TNFRSF8: variants seen among roughly 807,000 people sequenced by gnomAD.
TNFRSF8 encodes TNF receptor superfamily member 8, also known as tumor necrosis factor receptor superfamily member 8.
TNFRSF8 carries 26 observed loss-of-function variants against 70.8 expected under a neutral mutation model. The observed-to-expected ratio is 0.37, with a 90% CI of 0.27 to 0.51. The LOEUF (loss-of-function observed/expected upper bound fraction) is 0.51, where lower values mean the gene tolerates loss of function less well. Ranked by LOEUF, TNFRSF8 falls within the 20% of genes least tolerant of loss-of-function variation. The pLI is 0.94. For missense variants in TNFRSF8, 720 were observed against 807.9 expected (o/e 0.89, Z 1.32); for synonymous variants, 356 against 339.2 (o/e 1.05, Z -0.54).
intron 12 of TNFRSF8, among the ~76,000 whole-genome samples, chr1:12,130,818 G>A (rs1445967434): frequency 6.6e-6 from 1 of 152,240 alleles, no homozygotes; most frequent in African/African-American, 2.4e-5. Context: ...CAAAAGGCAA[G>A]GAAACCAACA....
rs1481982268 is a variant in TNFRSF8, at chr1:12,088,188, T to C, written c.151+3637T>C. On this transcript the variant is annotated intron_variant, in intron 2 of 14. Coordinates refer to ENST00000263932, the MANE Select transcript of TNFRSF8 (RefSeq NM_001243.5). This position sits in a 1 kb window ranked among gnomAD's most constrained non-coding sequence, Gnocchi z 4.0. ...CAGGCCTGTGATGCCCTCTCCAGCATTCCTGAGAGCAGGTCCCCAGCCCTT... is the reference window on the plus strand; with the variant it reads ...CAGGCCTGTGATGCCCTCTCCAGCACTCCTGAGAGCAGGTCCCCAGCCCTT... Among the ~76,000 whole-genome samples the C allele has an allele frequency of 2.0e-5, 3 of 152,110 alleles. No individual in the cohort carries two copies. The highest frequency in any genetic ancestry group is 4.4e-5 in the Non-Finnish European group (3 of 68,004).
At chr1:12,085,102 C>T (rs1310679855) in intron 2 of TNFRSF8, among the ~76,000 whole-genome samples, 1 of 152,114 alleles carries the variant, frequency 6.6e-6, no homozygotes, top group Non-Finnish European at 1.5e-5. Flanking sequence ...TTTCTTTTCT[C>T]TCTTATTTTT....
chr1:12,079,082 A>AT (rs1486937788), intron 1 of TNFRSF8, among the ~76,000 whole-genome samples: 2 of 151,978 alleles, frequency 1.3e-5, no homozygotes, highest in Non-Finnish European at 2.9e-5. Flanking sequence ...CCCTTCGGGG[A>AT]TTTTGCATTT....
Position 12,138,512 on chromosome 1 carries a change from G to C in TNFRSF8, c.1543+76G>C. ...GATGAATACGGGGCCCTGGGCCCTGGAAGGGACCTGGAGACCCTGGAGTTG... is the reference window on the plus strand; with the variant it reads ...GATGAATACGGGGCCCTGGGCCCTGCAAGGGACCTGGAGACCCTGGAGTTG... On this transcript the variant is annotated intron_variant, in intron 14 of 14. Transcript: ENST00000263932. This position sits in a 1 kb window ranked among gnomAD's most constrained non-coding sequence, Gnocchi z 5.7. The C allele has an allele frequency of 7.2e-7, 1 of 1,397,714 alleles. No homozygotes were observed. The allele number at this position is 1,397,714 out of a possible 1,614,324, so 86.6% of individuals were successfully genotyped here.
At chr1:12,073,567 C>G (rs1042581936) in intron 1 of TNFRSF8, among the ~76,000 whole-genome samples, 4 of 147,584 alleles carry the variant, frequency 2.7e-5, no homozygotes, top group African/African-American at 7.5e-5. Context: ...TTTCCCTTTC[C>G]TTTTCCCTTT....
intron 2 of TNFRSF8, among the ~76,000 whole-genome samples, chr1:12,086,337 T>C (rs1641152207): frequency 6.6e-6 from 1 of 152,228 alleles, no homozygotes; most frequent in Non-Finnish European, 1.5e-5. Flanking sequence ...GCAAAAGTAG[T>C]GGGTTGGATG....
At position 12,141,476 on chromosome 1, in the gene TNFRSF8, T is replaced by C. The variant is rs530992405; in HGVS notation, c.1544-811T>C. On this transcript the variant is annotated intron_variant, in intron 14 of 14. Transcript: ENST00000263932. The surrounding 1 kb of genome is among the most constrained non-coding windows in gnomAD (Gnocchi z 5.4). ...GCCCTCCGTCCAAGCTCCCACCATG[T>C]GCTCACAGCACAGCCATGCACGCTG... 6.6e-6 allele frequency among the ~76,000 whole-genome samples: 1 copy of C among 152,386 alleles called. No homozygotes were observed. Among genetic ancestry groups the C allele is most frequent in the South Asian group, 2.1e-4 (1 of 4,828 alleles).
Position 12,113,654 on chromosome 1 carries a change from G to A in TNFRSF8, c.793+1640G>A, listed in dbSNP as rs1217707410. 2.7e-5 allele frequency among the ~76,000 whole-genome samples: 4 copies of A among 146,638 alleles called. No individual in the cohort carries two copies. Among genetic ancestry groups the A allele is most frequent in the Admixed American group, 6.9e-5 (1 of 14,494 alleles). ...GAGAGAGACAGAAAGAGAAAGAGACGGAGTGAGCGAGAGAGAGAGAGACAG... is the reference window on the plus strand; with the variant it reads ...GAGAGAGACAGAAAGAGAAAGAGACAGAGTGAGCGAGAGAGAGAGAGACAG... On this transcript the variant is annotated intron_variant, in intron 7 of 14. Transcript: ENST00000263932. The surrounding 1 kb of genome is among the most constrained non-coding windows in gnomAD (Gnocchi z 4.9).
chr1:12,137,642 C>T (rs980242407), intron 13 of TNFRSF8, among the ~76,000 whole-genome samples: 12 of 151,172 alleles, frequency 7.9e-5, no homozygotes, highest in South Asian at 4.2e-4. Flanking sequence ...TAGAGGTCAC[C>T]GGGCTTGTCA....
At chr1:12,103,245 TC>T (rs1472298126) in intron 3 of TNFRSF8, among the ~76,000 whole-genome samples, 1 of 151,898 alleles carries the variant, frequency 6.6e-6, no homozygotes, top group Non-Finnish European at 1.5e-5. Flanking sequence ...GTGCCTGTAA[TC>T]CCAGCTACTC....
intron 2 of TNFRSF8, among the ~76,000 whole-genome samples, chr1:12,093,818 C>T (rs1314168318): frequency 2.7e-5 from 4 of 150,708 alleles, no homozygotes; most frequent in African/African-American, 9.7e-5. Flanking sequence ...CGCCTGTAAT[C>T]CCAGCACTTT....
intron 1 of TNFRSF8, among the ~76,000 whole-genome samples, chr1:12,079,742 G>GC (rs892874466): frequency 4.6e-5 from 7 of 152,128 alleles, no homozygotes; most frequent in African/African-American, 1.7e-4. Context: ...AGATCCCACA[G>GC]CCCCTCCGCA....
In TNFRSF8 at chr1:12,108,434, AG is replaced by A. The variant is rs139329983; in HGVS notation, c.422-1131del. On this transcript the variant is annotated intron_variant, in intron 4 of 14. Coordinates refer to ENST00000263932, the MANE Select transcript of TNFRSF8 (RefSeq NM_001243.5). This position sits in a 1 kb window ranked among gnomAD's most constrained non-coding sequence, Gnocchi z 4.0. ...GGAGTCCAGATGGGTGTAAGGACAT[AG>A]CATTTACCATATGTCATGCAATGTG... Among the ~76,000 whole-genome samples, 365 of 152,294 alleles carry A rather than the reference AG, an allele frequency of 2.4e-3. No homozygotes were observed. Among genetic ancestry groups the A allele is most frequent in the African/African-American group, 8.4e-3 (350 of 41,558 alleles).
intron 13 of TNFRSF8, 105 bp downstream of exon 13, chr1:12,135,718 G>C: frequency 6.7e-7 from 1 of 1,494,630 alleles, no homozygotes; most frequent in Non-Finnish European, 9.1e-7. Context: ...GGGAGAGGGA[G>C]GGGACGGACT....
At position 12,141,051 on chromosome 1, in the gene TNFRSF8, C is replaced by G. The variant is rs906166706; in HGVS notation, c.1544-1236C>G. The stretch of plus-strand genomic sequence containing the variant: ...TGTCCCGCACTCTGGGCCTTCTCCT[C>G]TTGCTGCCGTTTGGCGCACTTCTCT... On this transcript the variant is annotated intron_variant, in intron 14 of 14. Coordinates refer to ENST00000263932, the MANE Select transcript of TNFRSF8 (RefSeq NM_001243.5). The surrounding 1 kb of genome is among the most constrained non-coding windows in gnomAD (Gnocchi z 5.4). Among the ~76,000 whole-genome samples, 1 of 152,244 alleles carries G rather than the reference C, an allele frequency of 6.6e-6. No homozygotes were observed. The highest frequency in any genetic ancestry group is 2.4e-5 in the African/African-American group (1 of 41,456).
intron 1 of TNFRSF8, among the ~76,000 whole-genome samples, chr1:12,071,495 T>A (rs1569978440): frequency 6.6e-6 from 1 of 152,230 alleles, no homozygotes; most frequent in Non-Finnish European, 1.5e-5. Context: ...CTGGATATGC[T>A]GTAGCAAAAT....
In TNFRSF8 at chr1:12,143,227, C is replaced by T. The variant is rs1642291571; in HGVS notation, c.*696C>T. On this transcript the variant is annotated 3_prime_UTR_variant, in exon 15 of 15. Coordinates refer to ENST00000263932, the MANE Select transcript of TNFRSF8 (RefSeq NM_001243.5). The surrounding 1 kb of genome is among the most constrained non-coding windows in gnomAD (Gnocchi z 4.1). Reference sequence around the variant, plus strand: ...GTAGCCCCCTCGGTGGGCCCAGGGCCTAGGGCCCAGGATCAAGTCACTCAT... The same window carrying T: ...GTAGCCCCCTCGGTGGGCCCAGGGCTTAGGGCCCAGGATCAAGTCACTCAT... The T allele has an allele frequency of 6.6e-6, 1 of 152,426 alleles. No individual in the cohort carries two copies. The highest frequency in any genetic ancestry group is 1.5e-5 in the Non-Finnish European group (1 of 68,220). 9.4% of individuals were successfully genotyped at this position (152,426 alleles called of 1,614,324 possible). A position where few individuals can be genotyped will look rare whatever the true frequency, so the allele number is the denominator to read the frequency against.
Position 12,142,753 on chromosome 1 carries a change from A to G in TNFRSF8, c.*222A>G. ...AGAGCCTAGGGGATCCGGGGCTTGT[A>G]CAGAAGAGACAGTCCAAGGGGACTG... On this transcript the variant is annotated 3_prime_UTR_variant, in exon 15 of 15. Transcript: ENST00000263932. This position sits in a 1 kb window ranked among gnomAD's most constrained non-coding sequence, Gnocchi z 5.0. The G allele has an allele frequency of 1.7e-6, 1 of 589,218 alleles. No homozygotes were observed. The highest frequency in any genetic ancestry group is 2.9e-6 in the Non-Finnish European group (1 of 339,524). The allele number at this position is 589,218 out of a possible 1,614,324, so 36.5% of individuals were successfully genotyped here. A position where few individuals can be genotyped will look rare whatever the true frequency, so the allele number is the denominator to read the frequency against.
intron 3 of TNFRSF8, among the ~76,000 whole-genome samples, chr1:12,103,939 G>A (rs1464697532): frequency 2.6e-5 from 4 of 152,280 alleles, no homozygotes; most frequent in Middle Eastern, 3.4e-3. Flanking sequence ...TTAGACAAAC[G>A]GATGATGACC....
Sources: allele counts gnomAD v4.1 joint callset (sites outside exome capture counted in the v4.1 genomes callset), GRCh38; gene constraint gnomAD v4.1.1; non-coding constraint Gnocchi (gnomAD v3.1); transcripts MANE v1.5; gene names NCBI Gene and HGNC (gene_info 2026-07-23, HGNC 2026-07-21).